The following XPNPEP3 variants were observed in gnomAD, a reference collection of about 807,000 sequenced individuals.
The protein encoded by XPNPEP3 is X-prolyl aminopeptidase 3.
In XPNPEP3, 41 loss-of-function variants were observed where a neutral mutation model predicts 60.0. The ratio of observed to expected loss-of-function variants is 0.68; its 90% CI spans 0.53 to 0.89. XPNPEP3 has a LOEUF of 0.89. Ranked by LOEUF, XPNPEP3 falls within the 40% of genes least tolerant of loss-of-function variation. The probability of loss-of-function intolerance (pLI) is 0.00; values close to 1 mark genes in which losing one functional copy is unlikely to be tolerated. For missense variants in XPNPEP3, 598 were observed against 638.9 expected, an observed-to-expected ratio of 0.94 and a Z score of 0.69; for synonymous variants, 212 against 223.2, an observed-to-expected ratio of 0.95 and a Z score of 0.45.
In XPNPEP3 at chr22:40,857,167, G is replaced by A; in HGVS notation, c.-15G>A. 7 of 1,614,070 alleles carry A rather than the reference G, an allele frequency of 4.3e-6. No homozygotes were observed. Among genetic ancestry groups the A allele is most frequent in the Non-Finnish European group, 5.9e-6 (7 of 1,179,972 alleles). ...GTTACCCTCTTTCTCTTCCCGACGCGTGAGTTAGGCCGTAATGCCTTGGCT... is the reference window on the plus strand; with the variant it reads ...GTTACCCTCTTTCTCTTCCCGACGCATGAGTTAGGCCGTAATGCCTTGGCT... On this transcript the variant is annotated 5_prime_UTR_variant, in exon 1 of 10. In the 5' UTR this introduces an upstream ATG that the reference lacks. Transcript: ENST00000357137.
intron 1 of XPNPEP3, chr22:40,862,494 A>G: frequency 1.4e-5 from 14 of 985,792 alleles, no homozygotes; most frequent in Non-Finnish European, 1.7e-5. Flanking sequence ...CAGTTGACAT[A>G]TTTATTTCAG....
Position 40,908,665 on chromosome 22 carries a change from C to G in XPNPEP3, c.856-457C>G, listed in dbSNP as rs573291976. On this transcript the variant is annotated intron_variant, in intron 5 of 9. Transcript: ENST00000357137. ...TTTTCCAGAGCATTTAGATTTGTAG[C>G]TATTTGAAAGATTGGAATTAGTAAT... 2.0e-5 allele frequency among the ~76,000 whole-genome samples: 3 copies of G among 152,266 alleles called. No homozygotes were observed. In the East Asian group the frequency reaches 5.8e-4, roughly 29 times the overall value.
At chr22:40,859,321 A>G (rs1213178205) in intron 1 of XPNPEP3, among the ~76,000 whole-genome samples, 1 of 152,166 alleles carries the variant, frequency 6.6e-6, no homozygotes. Context: ...ATGGTGGGAA[A>G]ACTTTGAGGA....
At chr22:40,914,700 A>G (rs981408012) in intron 7 of XPNPEP3, among the ~76,000 whole-genome samples, 1 of 151,884 alleles carries the variant, frequency 6.6e-6, no homozygotes, top group African/African-American at 2.4e-5. Context: ...AGCTGGGACT[A>G]TAGGCACATT....
intron 1 of XPNPEP3, among the ~76,000 whole-genome samples, chr22:40,867,907 C>T (rs940734957): frequency 1.3e-5 from 2 of 149,838 alleles, no homozygotes; most frequent in African/African-American, 4.9e-5. Flanking sequence ...CACTACACTC[C>T]AGCCTGGGCG....
intron 2 of XPNPEP3, among the ~76,000 whole-genome samples, chr22:40,875,974 T>C (rs1272230880): frequency 6.6e-6 from 1 of 152,032 alleles, no homozygotes; most frequent in Non-Finnish European, 1.5e-5. Context: ...GAGCTAAGAT[T>C]GCGCCACTGT....
chr22:40,904,500 T>A (rs1321407738), intron 4 of XPNPEP3, among the ~76,000 whole-genome samples: 1 of 152,004 alleles, frequency 6.6e-6, no homozygotes, highest in Non-Finnish European at 1.5e-5. Context: ...ATTGTGCCTG[T>A]GAATAGCCAC....
chr22:40,874,762 C>A (rs2058021114), intron 2 of XPNPEP3, among the ~76,000 whole-genome samples: 1 of 152,146 alleles, frequency 6.6e-6, no homozygotes. Context: ...GGGCGTTTCT[C>A]ACATACACCA....
At position 40,909,240 on chromosome 22, in the gene XPNPEP3, G is replaced by C; in HGVS notation, c.969+5G>C. ...AAAAATAATCAACTCATCAAGGTACGTGAGATGCCCTCAGTGCTACTCCCA... is the reference window on the plus strand; with the variant it reads ...AAAAATAATCAACTCATCAAGGTACCTGAGATGCCCTCAGTGCTACTCCCA... On this transcript the variant is annotated splice_donor_5th_base_variant and intron_variant, in intron 6 of 9. Transcript: ENST00000357137. 1 of 1,611,756 alleles carries C rather than the reference G, an allele frequency of 6.2e-7. No individual in the cohort carries two copies. Among genetic ancestry groups the C allele is most frequent in the Non-Finnish European group, 8.5e-7 (1 of 1,177,824 alleles).
At chr22:40,867,036 TCACCAATGCAACAGCAGCCTACTC>T (rs2057982031) in intron 1 of XPNPEP3, among the ~76,000 whole-genome samples, 1 of 152,164 alleles carries the variant, frequency 6.6e-6, no homozygotes, top group Admixed American at 6.5e-5. Flanking sequence ...GAAAGAGAAA[TCACCAATGCAACAGCAGCCTACTC>T]CACCAGTGGG....
intron 1 of XPNPEP3, chr22:40,862,607 G>T: frequency 1.0e-6 from 1 of 985,492 alleles, no homozygotes; most frequent in Non-Finnish European, 1.2e-6. Context: ...ATGAGAGACA[G>T]CTCAGGCTGG....
chr22:40,859,625 A>G (rs1019193060), intron 1 of XPNPEP3: 14 of 152,302 alleles, frequency 9.2e-5, no homozygotes, highest in Middle Eastern at 3.4e-3. Flanking sequence ...AGTCTCTTCT[A>G]TAGAATAAAT....
intron 6 of XPNPEP3, among the ~76,000 whole-genome samples, chr22:40,910,043 A>T (rs1235107957): frequency 6.6e-6 from 1 of 151,756 alleles, no homozygotes; most frequent in Non-Finnish European, 1.5e-5. Context: ...GTATTCCTTT[A>T]TTAAGTCCAT....
chr22:40,920,309 G>T (rs2058211660), intron 7 of XPNPEP3, among the ~76,000 whole-genome samples: 1 of 152,114 alleles, frequency 6.6e-6, no homozygotes, highest in Non-Finnish European at 1.5e-5. Flanking sequence ...GGCAGAGGTT[G>T]CAGTGAGCCG....
intron 4 of XPNPEP3, among the ~76,000 whole-genome samples, chr22:40,888,126 A>C (rs771973861): frequency 1.3e-5 from 2 of 152,064 alleles, no homozygotes; most frequent in South Asian, 4.2e-4. Flanking sequence ...AGTAACCTCT[A>C]CTTTCTCTGT....
At chr22:40,913,535 G>A (rs577915734) in intron 6 of XPNPEP3, among the ~76,000 whole-genome samples, 2 of 151,548 alleles carry the variant, frequency 1.3e-5, no homozygotes, top group African/African-American at 2.4e-5. Flanking sequence ...GCATGCCAAC[G>A]TATATAGGAT....
chr22:40,909,164 T>C lies in XPNPEP3; in HGVS notation c.898T>C (p.Tyr300His). Residue 300 changes from tyrosine (Y) to histidine (H), a missense_variant, in exon 6 of 10, where the codon TAT becomes CAT. Physicochemically the swap from Tyr to His is moderately conservative, Grantham distance 83. Transcript: ENST00000357137. ...CRARGADILA[Y>H]PPVVAGGNRS... ...GGCTCGTGGCGCAGACATTTTAGCC[T>C]ATCCACCTGTGGTGGCTGGTGGTAA... is the stretch of plus-strand genomic sequence containing the variant. 1 of 1,614,204 alleles carries C rather than the reference T, an allele frequency of 6.2e-7. No individual in the cohort carries two copies.
At chr22:40,884,265 T>C (rs756233884) in intron 3 of XPNPEP3, among the ~76,000 whole-genome samples, 10 of 152,160 alleles carry the variant, frequency 6.6e-5, no homozygotes, top group Non-Finnish European at 1.3e-4. Context: ...TGTCTAAGTT[T>C]TATTAATTCA....
intron 4 of XPNPEP3, among the ~76,000 whole-genome samples, chr22:40,899,576 T>G (rs972747068): frequency 2.0e-5 from 3 of 151,832 alleles, no homozygotes; most frequent in African/African-American, 7.3e-5. Flanking sequence ...AATCCCAGCA[T>G]TTTGGGAGGC....
Sources: gnomAD v4.1 joint callset for allele counts (sites outside exome capture counted in the v4.1 genomes callset) on GRCh38, gnomAD v4.1.1 for gene constraint, MANE v1.5 for transcripts, NCBI Gene and HGNC (gene_info 2026-07-23, HGNC 2026-07-21) for gene names.